SH3BGRL2: variants seen among roughly 807,000 people sequenced by gnomAD.
The protein encoded by SH3BGRL2 is SH3 domain binding glutamate rich protein like 2.
Under a neutral mutation model 14.8 loss-of-function variants are expected in SH3BGRL2, and 21 were observed. The ratio of observed to expected loss-of-function variants is 1.42; its 90% CI spans 1.01 to 2.05. The LOEUF is 2.05. Ranked by LOEUF, SH3BGRL2 falls within the 30% of genes most tolerant of loss-of-function variation. SH3BGRL2 has a pLI of 0.00. For missense variants in SH3BGRL2, 147 were observed against 130.8 expected (o/e 1.12, Z -0.61); for synonymous variants, 50 against 47.8 (o/e 1.05, Z -0.19).
intron 1 of SH3BGRL2, 63 bp downstream of exon 1, chr6:79,631,569 G>A: frequency 2.3e-6 from 3 of 1,296,624 alleles, no homozygotes; most frequent in Non-Finnish European, 3.0e-6. Flanking sequence ...CGGGAGGCGC[G>A]CGGCGCTCGT....
the SH3BGRL2 span, among the ~76,000 whole-genome samples, chr6:79,614,265 G>A: frequency 6.6e-6 from 1 of 152,168 alleles, no homozygotes; most frequent in Non-Finnish European, 1.5e-5. Context: ...GAGAGACCCA[G>A]GGCATGATGG....
At chr6:79,545,111 T>G in the SH3BGRL2 span, among the ~76,000 whole-genome samples, 4 of 152,204 alleles carry the variant, frequency 2.6e-5, no homozygotes, top group Non-Finnish European at 4.4e-5. Flanking sequence ...GCTGGCCTCA[T>G]GTCTCCCTGT....
chr6:79,568,871 T>A, the SH3BGRL2 span, among the ~76,000 whole-genome samples: 1 of 152,170 alleles, frequency 6.6e-6, no homozygotes, highest in East Asian at 1.9e-4. Context: ...ATTCTTAGTA[T>A]GTATGAAATA....
At chr6:79,691,684 C>T (rs1254837191) in intron 2 of SH3BGRL2, among the ~76,000 whole-genome samples, 1 of 149,628 alleles carries the variant, frequency 6.7e-6, no homozygotes, top group Non-Finnish European at 1.5e-5. Flanking sequence ...AGGACATGAA[C>T]TCATCATTTT....
At chr6:79,666,029 C>T (rs1042651221) in intron 1 of SH3BGRL2, among the ~76,000 whole-genome samples, 3 of 152,178 alleles carry the variant, frequency 2.0e-5, no homozygotes, top group Non-Finnish European at 2.9e-5. Flanking sequence ...TTACTCTACA[C>T]CCCTGCCCTG....
intron 1 of SH3BGRL2, among the ~76,000 whole-genome samples, chr6:79,639,012 T>G (rs1445183548): frequency 6.6e-6 from 1 of 152,196 alleles, no homozygotes; most frequent in Non-Finnish European, 1.5e-5. Flanking sequence ...TTTTTTCTGT[T>G]TTTCAATTTT....
At chr6:79,575,131 C>T in the SH3BGRL2 span, 2 of 152,224 alleles carry the variant, frequency 1.3e-5, no homozygotes, top group East Asian at 3.8e-4. Context: ...CAAAGAACTA[C>T]AGCCATCTCT....
rs1025647457 is a variant in SH3BGRL2 at position 79,699,857 on chromosome 6, G to T, written c.*348G>T. On this transcript the variant is annotated 3_prime_UTR_variant, in exon 4 of 4. Transcript: ENST00000369838. ...GGATCTGCCCTAGGTTATAGTAGAT[G>T]CCGGAATTGCGTAAACCCACTTCTC... 31 of 288,256 alleles carry T rather than the reference G, an allele frequency of 1.1e-4. No homozygotes were observed. The highest frequency in any genetic ancestry group is 1.8e-4 in the Non-Finnish European group (28 of 158,146). 17.9% of individuals were successfully genotyped at this position (288,256 alleles called of 1,614,324 possible).
At chr6:79,553,945 G>T in the SH3BGRL2 span, among the ~76,000 whole-genome samples, 8 of 150,694 alleles carry the variant, frequency 5.3e-5, no homozygotes, top group Non-Finnish European at 1.5e-5. Context: ...TCCAGCCTGG[G>T]TGACAGGGCG....
intron 2 of SH3BGRL2, among the ~76,000 whole-genome samples, chr6:79,677,681 T>C (rs1769911877): frequency 6.6e-6 from 1 of 152,210 alleles, no homozygotes; most frequent in African/African-American, 2.4e-5. Context: ...ATGTGGAGTC[T>C]TGACAACTCC....
At chr6:79,570,442 TA>T in the SH3BGRL2 span, among the ~76,000 whole-genome samples, 5 of 151,852 alleles carry the variant, frequency 3.3e-5, no homozygotes, top group Admixed American at 2.0e-4. Flanking sequence ...GGACTAGGAG[TA>T]AAATACTGAA....
chr6:79,582,677 A>C, the SH3BGRL2 span, among the ~76,000 whole-genome samples: 1 of 152,236 alleles, frequency 6.6e-6, no homozygotes, highest in Admixed American at 6.5e-5. Flanking sequence ...TAAAACCATA[A>C]AACCCTAGAA....
intron 1 of SH3BGRL2, among the ~76,000 whole-genome samples, chr6:79,660,919 A>G (rs957861098): frequency 2.6e-5 from 4 of 152,092 alleles, no homozygotes; most frequent in African/African-American, 9.7e-5. Context: ...TTTCTAGTTT[A>G]TTTGTGTAGA....
chr6:79,641,521 A>G (rs926578960), intron 1 of SH3BGRL2, among the ~76,000 whole-genome samples: 2 of 152,216 alleles, frequency 1.3e-5, no homozygotes, highest in Admixed American at 6.5e-5. Context: ...TCCAAATCCT[A>G]GCTCTGCCAC....
the SH3BGRL2 span, among the ~76,000 whole-genome samples, chr6:79,546,062 G>A: frequency 2.0e-5 from 3 of 152,092 alleles, no homozygotes; most frequent in African/African-American, 4.8e-5. Flanking sequence ...TTGAAATCAT[G>A]ATATCTGGAC....
rs1768819585 is a variant in SH3BGRL2, at chr6:79,631,380, G to GGC, written c.-81_-80dup. On this transcript the variant is annotated 5_prime_UTR_variant, in exon 1 of 4. Transcript: ENST00000369838. ...AGCGCTTTACCCAGAGGCTGCCGGCGGCTCGTAGCTGGGTTCAGCTCTGCG... is the reference window on the plus strand; with the variant it reads ...AGCGCTTTACCCAGAGGCTGCCGGCGGCGCTCGTAGCTGGGTTCAGCTCTGCG... 1 of 1,291,456 alleles carries GGC rather than the reference G, an allele frequency of 7.7e-7. No individual in the cohort carries two copies. The highest frequency in any genetic ancestry group is 1.5e-5 in the African/African-American group (1 of 65,160). 80.0% of individuals were successfully genotyped at this position (1,291,456 alleles called of 1,614,324 possible).
the SH3BGRL2 span, among the ~76,000 whole-genome samples, chr6:79,558,631 G>A: frequency 6.6e-6 from 1 of 151,970 alleles, no homozygotes; most frequent in African/African-American, 2.4e-5. Context: ...TTGGGAGGCC[G>A]AGGAGGGCAG....
chr6:79,659,521 T>C (rs1250068970), intron 1 of SH3BGRL2, among the ~76,000 whole-genome samples: 1 of 152,216 alleles, frequency 6.6e-6, no homozygotes, highest in African/African-American at 2.4e-5. Flanking sequence ...ACCAGTACCA[T>C]GCTGTTTTGG....
At chr6:79,596,413 G>T in the SH3BGRL2 span, among the ~76,000 whole-genome samples, 1 of 152,122 alleles carries the variant, frequency 6.6e-6, no homozygotes, top group Non-Finnish European at 1.5e-5. Flanking sequence ...TCCCACCTCA[G>T]CACCTCCAAG....
Sources: allele counts gnomAD v4.1 joint callset (sites outside exome capture counted in the v4.1 genomes callset), GRCh38; gene constraint gnomAD v4.1.1; transcripts MANE v1.5; gene names NCBI Gene and HGNC (gene_info 2026-07-23, HGNC 2026-07-21).